Variants in ARHGAP15 observed in about 807,000 individuals in gnomAD.
The protein encoded by ARHGAP15 is rho GTPase-activating protein 15.
ARHGAP15 carries 51 observed loss-of-function variants against 63.7 expected under a neutral mutation model. That is an observed-to-expected ratio of 0.80 (90% confidence interval 0.64 to 1.01). ARHGAP15 has a LOEUF of 1.01. ARHGAP15 is among the 50% of genes least tolerant of loss of function. The pLI is 0.00. For missense variants in ARHGAP15, 560 were observed against 564.6 expected (o/e 0.99, Z 0.08); for synonymous variants, 191 against 193.8 (o/e 0.99, Z 0.12).
At chr2:143,198,769 T>A (rs1246091241) in intron 2 of ARHGAP15, among the ~76,000 whole-genome samples, 1 of 152,140 alleles carries the variant, frequency 6.6e-6, no homozygotes, top group African/African-American at 2.4e-5. Context: ...GAAGAAATGG[T>A]GCAACTGACA....
At chr2:143,479,299 CCT>C (rs2105209281) in intron 8 of ARHGAP15, among the ~76,000 whole-genome samples, 1 of 151,058 alleles carries the variant, frequency 6.6e-6, no homozygotes, top group East Asian at 1.9e-4. Flanking sequence ...GAGGCTATCA[CCT>C]CTCTGGTGGA....
intron 5 of ARHGAP15, among the ~76,000 whole-genome samples, chr2:143,231,069 C>CTTTTTTTTTTTTTTT (rs914904536): frequency 8.0e-5 from 10 of 125,414 alleles, no homozygotes; most frequent in Non-Finnish European, 1.5e-4. Context: ...GATGTAATTC[C>CTTTTTTTTTTTTTTT]TTTTTTTTTT....
chr2:143,411,139 G>C (rs1383932465), intron 6 of ARHGAP15, among the ~76,000 whole-genome samples: 1 of 151,996 alleles, frequency 6.6e-6, no homozygotes, highest in Non-Finnish European at 1.5e-5. Flanking sequence ...TCAGAAGCAG[G>C]GGCTGCAGTG....
At chr2:143,534,160 TAGTG>T (rs1038257723) in intron 10 of ARHGAP15, among the ~76,000 whole-genome samples, 2 of 152,184 alleles carry the variant, frequency 1.3e-5, no homozygotes, top group Non-Finnish European at 2.9e-5. Context: ...GTTCTCATAA[TAGTG>T]AGTGAGTTCT....
chr2:143,585,765 T>C lies in ARHGAP15; in HGVS notation c.1003+29280T>C, dbSNP rs796120161. 6.6e-5 allele frequency among the ~76,000 whole-genome samples: 10 copies of C among 152,318 alleles called. No individual in the cohort carries two copies. In the South Asian group the frequency reaches 2.1e-3, roughly 32 times the overall value. ...CTTCCAGATAGTCTTCCAAGTTATT[T>C]AGGATTTTATTATTGAAAATGTTAT... On this transcript the variant is annotated intron_variant, in intron 11 of 13. Transcript: ENST00000295095.
intron 10 of ARHGAP15, among the ~76,000 whole-genome samples, chr2:143,535,540 C>T (rs1411912532): frequency 6.6e-6 from 1 of 152,176 alleles, no homozygotes; most frequent in Non-Finnish European, 1.5e-5. Context: ...ATTATCTTCC[C>T]AGATTTTCTG....
intron 12 of ARHGAP15, among the ~76,000 whole-genome samples, chr2:143,701,401 C>T (rs968850588): frequency 6.6e-6 from 1 of 152,176 alleles, no homozygotes; most frequent in African/African-American, 2.4e-5. Context: ...GATCCATCCT[C>T]AAAGGCTTCA....
At chr2:143,335,073 G>A (rs1176165239) in intron 6 of ARHGAP15, among the ~76,000 whole-genome samples, 1 of 152,142 alleles carries the variant, frequency 6.6e-6, no homozygotes, top group Non-Finnish European at 1.5e-5. Context: ...ATAAATAGAT[G>A]TCTTGACTGG....
chr2:143,242,619 G>A (rs1693907028), intron 5 of ARHGAP15, among the ~76,000 whole-genome samples: 1 of 152,124 alleles, frequency 6.6e-6, no homozygotes. Flanking sequence ...TGAAAATGTG[G>A]TTTGATTTGG....
At chr2:143,530,904 A>T (rs1694495649) in intron 10 of ARHGAP15, among the ~76,000 whole-genome samples, 1 of 152,164 alleles carries the variant, frequency 6.6e-6, no homozygotes, top group African/African-American at 2.4e-5. Flanking sequence ...GTTTCATTTC[A>T]TGATACAAAG....
chr2:143,751,535 G>A (rs1355698944), intron 13 of ARHGAP15, among the ~76,000 whole-genome samples: 1 of 152,148 alleles, frequency 6.6e-6, no homozygotes, highest in Admixed American at 6.5e-5. Flanking sequence ...GATCTTTGAA[G>A]GGGAATCTTT....
chr2:143,146,204 A>G (rs538574718), intron 1 of ARHGAP15, among the ~76,000 whole-genome samples: 16 of 152,010 alleles, frequency 1.1e-4, no homozygotes, highest in Non-Finnish European at 1.8e-4. Context: ...CTATTGCAAC[A>G]TATATATTAA....
intron 6 of ARHGAP15, among the ~76,000 whole-genome samples, chr2:143,377,265 A>G (rs1686856131): frequency 6.6e-6 from 1 of 152,060 alleles, no homozygotes. Context: ...AACTTTAGTG[A>G]TCATTTATTC....
At chr2:143,615,987 AT>A (rs1272767240) in intron 11 of ARHGAP15, among the ~76,000 whole-genome samples, 1 of 152,198 alleles carries the variant, frequency 6.6e-6, no homozygotes, top group African/African-American at 2.4e-5. Context: ...AATTAAAGAA[AT>A]ATATATGGGT....
intron 9 of ARHGAP15, among the ~76,000 whole-genome samples, chr2:143,500,026 G>T (rs1692982644): frequency 6.6e-6 from 1 of 151,822 alleles, no homozygotes; most frequent in East Asian, 1.9e-4. Context: ...TAAGGAAAAG[G>T]CACAGTAAAG....
At chr2:143,305,589 G>A (rs2105169026) in intron 6 of ARHGAP15, 2 of 152,092 alleles carry the variant, frequency 1.3e-5, no homozygotes, top group Admixed American at 1.3e-4. Context: ...GTTTAAAATG[G>A]TCAAATATTG....
At chr2:143,593,833 A>G (rs1007136064) in intron 11 of ARHGAP15, among the ~76,000 whole-genome samples, 15 of 152,240 alleles carry the variant, frequency 9.9e-5, no homozygotes, top group Admixed American at 2.0e-4. Context: ...CAATAAAGTA[A>G]TAGATCAACA....
At chr2:143,253,497 G>T (rs1680263945) in intron 6 of ARHGAP15, among the ~76,000 whole-genome samples, 2 of 151,984 alleles carry the variant, frequency 1.3e-5, no homozygotes, top group Admixed American at 1.3e-4. Flanking sequence ...AATCTTATTT[G>T]ATTGCTATGT....
intron 12 of ARHGAP15, among the ~76,000 whole-genome samples, chr2:143,673,147 AAACCTT>A (rs1428098377): frequency 1.3e-5 from 2 of 152,210 alleles, no homozygotes. Context: ...AAAAAAAAGA[AAACCTT>A]GATTCTTACT....
Sources: allele counts gnomAD v4.1 joint callset (sites outside exome capture counted in the v4.1 genomes callset), GRCh38; gene constraint gnomAD v4.1.1; transcripts MANE v1.5; gene names NCBI Gene and HGNC (gene_info 2026-07-23, HGNC 2026-07-21).